GRXCR1: variants seen among roughly 807,000 people sequenced by gnomAD.
GRXCR1 encodes the protein glutaredoxin and cysteine rich domain containing 1, also known as glutaredoxin domain-containing cysteine-rich protein 1.
A neutral mutation model predicts 27.3 loss-of-function variants in GRXCR1; 27 were observed. The observed-to-expected ratio is 0.99, with a 90% CI of 0.73 to 1.37. The LOEUF is 1.37. Among genes scored for constraint, GRXCR1 ranks in the 40% most tolerant of loss-of-function variants. GRXCR1 has a pLI of 0.00. For missense variants in GRXCR1, 379 were observed against 354.4 expected (o/e 1.07, Z -0.56); for synonymous variants, 122 against 131.1 (o/e 0.93, Z 0.47).
chr4:43,029,788 A>G (rs953413385), intron 3 of GRXCR1, among the ~76,000 whole-genome samples: 2 of 152,152 alleles, frequency 1.3e-5, no homozygotes, highest in African/African-American at 4.8e-5. Flanking sequence ...AGGTGTTTGT[A>G]TGTGTACTTG....
chr4:42,945,256 A>G (rs931545435), intron 1 of GRXCR1, among the ~76,000 whole-genome samples: 2 of 152,146 alleles, frequency 1.3e-5, no homozygotes, highest in Non-Finnish European at 2.9e-5. Flanking sequence ...CCAGTTTAGG[A>G]TATTTTGTTA....
intron 2 of GRXCR1, among the ~76,000 whole-genome samples, chr4:42,969,049 T>C (rs1405857612): frequency 4.6e-5 from 7 of 152,100 alleles, no homozygotes; most frequent in Non-Finnish European, 1.0e-4. Flanking sequence ...AATGATTCCC[T>C]AGTATCTACT....
At chr4:42,925,865 C>T (rs555463936) in intron 1 of GRXCR1, among the ~76,000 whole-genome samples, 3 of 152,018 alleles carry the variant, frequency 2.0e-5, no homozygotes, top group South Asian at 2.1e-4. Flanking sequence ...GACATAAGGC[C>T]GAGTTGGACA....
chr4:43,011,516 A>G (rs931237303), intron 2 of GRXCR1, among the ~76,000 whole-genome samples: 1 of 152,148 alleles, frequency 6.6e-6, no homozygotes, highest in Non-Finnish European at 1.5e-5. Flanking sequence ...TAGGGGTGGT[A>G]AGAGCTTCTC....
Position 42,962,901 on chromosome 4 carries a change from A to G in GRXCR1, c.394A>G (p.Thr132Ala), listed in dbSNP as rs760615915. ...AATGTTTTCCCTTCAGCAACCATCA[A>G]CTGATCTAGAATTTGACCGTGTAGT... Reference protein sequence around the residue: ...NLTKVLQQPSTDLEFDRVVIY... With the variant: ...NLTKVLQQPSADLEFDRVVIY... The change falls in exon 2 of 4, where the codon ACT becomes GCT. Residue 132 changes from threonine to alanine, a missense_variant. Coordinates refer to ENST00000399770, the MANE Select transcript of GRXCR1 (RefSeq NM_001080476.3). The G allele has an allele frequency of 1.1e-5, 18 of 1,612,644 alleles. No homozygotes were observed. Among genetic ancestry groups the G allele is most frequent in the East Asian group, 1.1e-4 (5 of 44,868 alleles).
chr4:43,018,221 G>A (rs1423329301), intron 2 of GRXCR1, among the ~76,000 whole-genome samples: 2 of 152,156 alleles, frequency 1.3e-5, no homozygotes, highest in Middle Eastern at 3.2e-3. Flanking sequence ...CCAAAGGCCT[G>A]GTTCCAAGGG....
chr4:42,945,160 C>T (rs1747714048), intron 1 of GRXCR1, among the ~76,000 whole-genome samples: 1 of 152,168 alleles, frequency 6.6e-6, no homozygotes, highest in African/African-American at 2.4e-5. Flanking sequence ...AGGCCCTCAG[C>T]AGACACAGAA....
At chr4:42,908,081 G>A (rs939158726) in intron 1 of GRXCR1, among the ~76,000 whole-genome samples, 3 of 152,156 alleles carry the variant, frequency 2.0e-5, no homozygotes, top group Non-Finnish European at 2.9e-5. Flanking sequence ...CCACACCTTC[G>A]AGATGCTACT....
Position 43,024,991 on chromosome 4 carries a change from G to A in GRXCR1, c.693+4572G>A, listed in dbSNP as rs534481026. On this transcript the variant is annotated intron_variant, in intron 3 of 3. Coordinates refer to ENST00000399770, the MANE Select transcript of GRXCR1 (RefSeq NM_001080476.3). ...CGGACTTTCAAGCTCTATTGGAATA[G>A]GATTTGATGATCTGAGGTTAAAAAT... Among the ~76,000 whole-genome samples, 15 of 152,256 alleles carry A rather than the reference G, an allele frequency of 9.9e-5. 2 individuals carry two copies. The East Asian group carries it at 1.2e-3, about 12-fold the overall frequency.
intron 3 of GRXCR1, among the ~76,000 whole-genome samples, chr4:43,027,978 A>C (rs1713307931): frequency 6.6e-6 from 1 of 152,018 alleles, no homozygotes; most frequent in Non-Finnish European, 1.5e-5. Flanking sequence ...GCGTGGTGAC[A>C]TGCACCTGTA....
intron 2 of GRXCR1, among the ~76,000 whole-genome samples, chr4:43,019,143 A>T (rs963900693): frequency 6.6e-6 from 1 of 152,182 alleles, no homozygotes; most frequent in African/African-American, 2.4e-5. Context: ...ATCAAATGCC[A>T]CCAACCTCAG....
intron 1 of GRXCR1, among the ~76,000 whole-genome samples, chr4:42,933,249 C>T (rs1747372894): frequency 6.6e-6 from 1 of 151,876 alleles, no homozygotes; most frequent in Non-Finnish European, 1.5e-5. Flanking sequence ...CAGGAGGCTA[C>T]AGTTTTTCTA....
chr4:42,916,770 G>A (rs1000296906), intron 1 of GRXCR1, among the ~76,000 whole-genome samples: 2 of 151,904 alleles, frequency 1.3e-5, no homozygotes, highest in African/African-American at 4.8e-5. Context: ...GATACTTTTA[G>A]GCTATGTAAA....
chr4:42,947,797 A>C (rs2109766866), intron 1 of GRXCR1, among the ~76,000 whole-genome samples: 1 of 152,268 alleles, frequency 6.6e-6, no homozygotes, highest in South Asian at 2.1e-4. Flanking sequence ...AGCTGCATTT[A>C]TTTTTAGTTT....
intron 2 of GRXCR1, among the ~76,000 whole-genome samples, chr4:43,015,957 C>T (rs550588563): frequency 6.6e-6 from 1 of 152,170 alleles, no homozygotes; most frequent in South Asian, 2.1e-4. Context: ...CCCTGGATAT[C>T]CGTACACAGA....
At chr4:42,951,656 A>G (rs2109769419) in intron 1 of GRXCR1, among the ~76,000 whole-genome samples, 1 of 152,284 alleles carries the variant, frequency 6.6e-6, no homozygotes, top group East Asian at 1.9e-4. Context: ...TCTGGGTCAA[A>G]TGGTACTTCT....
intron 2 of GRXCR1, among the ~76,000 whole-genome samples, chr4:42,972,445 T>C (rs1318923884): frequency 6.6e-6 from 1 of 152,126 alleles, no homozygotes; most frequent in South Asian, 2.1e-4. Flanking sequence ...AGTACAGGGA[T>C]AGAGAAATTT....
At position 43,017,181 on chromosome 4, in the gene GRXCR1, G is replaced by A. The variant is rs1035525419; in HGVS notation, c.628-3173G>A. 5.3e-5 allele frequency among the ~76,000 whole-genome samples: 8 copies of A among 152,186 alleles called. No homozygotes were observed. The East Asian group carries it at 1.2e-3, about 22-fold the overall frequency. On this transcript the variant is annotated intron_variant, in intron 2 of 3. Coordinates refer to ENST00000399770, the MANE Select transcript of GRXCR1 (RefSeq NM_001080476.3). ...TCTCTGGCATGTTCATTCTGGGCGT[G>A]GAGTCACTGCAGTGAAAGCCTTCAA...
chr4:42,903,534 T>A lies in GRXCR1; in HGVS notation c.384+9884T>A, dbSNP rs141208361. Reference sequence around the variant, plus strand: ...TAACCATGTTAGCCAGGATGGTCTCTATCTCCAGACCTTGTGATCCGCCCG... The same window carrying A: ...TAACCATGTTAGCCAGGATGGTCTCAATCTCCAGACCTTGTGATCCGCCCG... On this transcript the variant is annotated intron_variant, in intron 1 of 3. Coordinates refer to ENST00000399770, the MANE Select transcript of GRXCR1 (RefSeq NM_001080476.3). 1.4e-4 allele frequency among the ~76,000 whole-genome samples: 20 copies of A among 147,192 alleles called. 2 individuals are homozygous for A. The highest frequency in any genetic ancestry group is 9.7e-4 in the South Asian group (4 of 4,132).
Sources: allele counts gnomAD v4.1 joint callset (sites outside exome capture counted in the v4.1 genomes callset), GRCh38; gene constraint gnomAD v4.1.1; transcripts MANE v1.5; gene names NCBI Gene and HGNC (gene_info 2026-07-23, HGNC 2026-07-21).